Variants in NXPH1 observed in about 807,000 individuals in gnomAD.
NXPH1 encodes the protein neurexophilin-1.
A neutral mutation model predicts 23.7 loss-of-function variants in NXPH1; 5 were observed. The observed-to-expected ratio is 0.21, with a 90% CI of 0.11 to 0.44. NXPH1 has a LOEUF of 0.44. NXPH1 is among the 20% of genes least tolerant of loss of function. The probability of loss-of-function intolerance (pLI) is 0.99; values close to 1 mark genes in which losing one functional copy is unlikely to be tolerated. For synonymous variants in NXPH1, 144 were observed against 122.2 expected (o/e 1.18, Z -1.18); for missense variants, 324 against 321.6 (o/e 1.01, Z -0.06).
At chr7:8,606,566 T>C (rs1819497162) in intron 2 of NXPH1, among the ~76,000 whole-genome samples, 1 of 152,178 alleles carries the variant, frequency 6.6e-6, no homozygotes, top group Non-Finnish European at 1.5e-5. Flanking sequence ...AAGCATAGTA[T>C]AAAATTTCTG....
intron 2 of NXPH1, among the ~76,000 whole-genome samples, chr7:8,449,822 T>C (rs1816473366): frequency 6.6e-6 from 1 of 152,244 alleles, no homozygotes; most frequent in African/African-American, 2.4e-5. Flanking sequence ...TCTGCCTAAA[T>C]TGCTGTTGGC....
At chr7:8,451,837 T>C (rs951623873) in intron 2 of NXPH1, among the ~76,000 whole-genome samples, 13 of 152,256 alleles carry the variant, frequency 8.5e-5, no homozygotes, top group Non-Finnish European at 1.3e-4. Context: ...GAAAGATTGC[T>C]GCATAGGCAA....
At chr7:8,694,330 G>A (rs1821270010) in intron 2 of NXPH1, among the ~76,000 whole-genome samples, 1 of 152,314 alleles carries the variant, frequency 6.6e-6, no homozygotes, top group Non-Finnish European at 1.5e-5. Flanking sequence ...GCTTGTAAAA[G>A]CAACATGACT....
intron 2 of NXPH1, among the ~76,000 whole-genome samples, chr7:8,640,466 T>G (rs1442754693): frequency 6.6e-6 from 1 of 151,720 alleles, no homozygotes; most frequent in Non-Finnish European, 1.5e-5. Flanking sequence ...TCATTTTGCT[T>G]GCTTTCTTTG....
chr7:8,442,367 T>C lies in NXPH1; in HGVS notation c.54+6600T>C, dbSNP rs545881649. ...TTGCGGGAGCTCTGCGCGTCCCCGCTGAACCTGCCTCTGGCCGCGCCTCGC... is the reference window on the plus strand; with the variant it reads ...TTGCGGGAGCTCTGCGCGTCCCCGCCGAACCTGCCTCTGGCCGCGCCTCGC... On this transcript the variant is annotated intron_variant, in intron 2 of 2. Transcript: ENST00000405863. The surrounding 1 kb of genome is among the most constrained non-coding windows in gnomAD (Gnocchi z 4.6). Among the ~76,000 whole-genome samples the C allele has an allele frequency of 6.6e-6, 1 of 152,256 alleles. No individual in the cohort carries two copies. The highest frequency in any genetic ancestry group is 1.9e-4 in the East Asian group (1 of 5,178).
intron 2 of NXPH1, among the ~76,000 whole-genome samples, chr7:8,623,676 GTTC>G (rs1176014393): frequency 6.6e-6 from 1 of 151,892 alleles, no homozygotes; most frequent in Non-Finnish European, 1.5e-5. Context: ...GTAAGAAAAA[GTTC>G]TTATTTTTAA....
chr7:8,727,978 T>C (rs1366651718), intron 2 of NXPH1, among the ~76,000 whole-genome samples: 7 of 151,628 alleles, frequency 4.6e-5, no homozygotes, highest in African/African-American at 7.3e-5. Context: ...GAGCATGGAA[T>C]GTTCTTCCAT....
At chr7:8,587,341 G>A (rs1288946738) in intron 2 of NXPH1, among the ~76,000 whole-genome samples, 2 of 150,688 alleles carry the variant, frequency 1.3e-5, no homozygotes, top group African/African-American at 4.9e-5. Context: ...TTGCTATGTT[G>A]CCCAGGCTGG....
chr7:8,546,707 G>C (rs1007706321), intron 2 of NXPH1, among the ~76,000 whole-genome samples: 20 of 151,310 alleles, frequency 1.3e-4, no homozygotes, highest in African/African-American at 4.8e-4. Flanking sequence ...TCATCTCCCA[G>C]TGACCCCTCT....
chr7:8,625,993 A>G (rs1340798512), intron 2 of NXPH1, among the ~76,000 whole-genome samples: 2 of 152,148 alleles, frequency 1.3e-5, no homozygotes, highest in Admixed American at 6.6e-5. Flanking sequence ...TGAATCTTTT[A>G]TCTAATCTGT....
At chr7:8,478,968 G>C (rs1313950572) in intron 2 of NXPH1, among the ~76,000 whole-genome samples, 2 of 152,014 alleles carry the variant, frequency 1.3e-5, no homozygotes, top group Non-Finnish European at 2.9e-5. Flanking sequence ...GTTCCCTTGA[G>C]AACTTTCTGA....
intron 2 of NXPH1, among the ~76,000 whole-genome samples, chr7:8,636,982 A>T (rs1820226857): frequency 1.3e-5 from 2 of 152,126 alleles, no homozygotes; most frequent in Non-Finnish European, 2.9e-5. Flanking sequence ...TATGACCATA[A>T]CCTACTTTAA....
chr7:8,453,667 T>A (rs947486537), intron 2 of NXPH1, among the ~76,000 whole-genome samples: 3 of 152,178 alleles, frequency 2.0e-5, no homozygotes, highest in African/African-American at 7.2e-5. Context: ...TAACATGCTT[T>A]ACACATAGTG....
rs546748794 is a variant in NXPH1 at position 8,573,672 on chromosome 7, T to C, written c.54+137905T>C. 1.2e-4 allele frequency among the ~76,000 whole-genome samples: 18 copies of C among 152,278 alleles called. No individual in the cohort carries two copies. The South Asian group carries it at 2.1e-3, about 18-fold the overall frequency. On this transcript the variant is annotated intron_variant, in intron 2 of 2. Transcript: ENST00000405863. ...TCTTTTTGCAGGGAGTTGTGAGCCA[T>C]GGAAGGCTTCTGAGTAGGAGAATGC...
chr7:8,438,923 G>T (rs906798838), intron 2 of NXPH1, among the ~76,000 whole-genome samples: 7 of 152,142 alleles, frequency 4.6e-5, no homozygotes, highest in Non-Finnish European at 8.8e-5. Context: ...TGCCCACAGA[G>T]TTACCTTCTG....
At chr7:8,584,192 C>A (rs972396257) in intron 2 of NXPH1, among the ~76,000 whole-genome samples, 2 of 152,160 alleles carry the variant, frequency 1.3e-5, no homozygotes, top group African/African-American at 2.4e-5. Context: ...CTTGCTGAAT[C>A]TTATAGAGCT....
chr7:8,731,814 A>C (rs1013645070), intron 2 of NXPH1, among the ~76,000 whole-genome samples: 17 of 152,356 alleles, frequency 1.1e-4, no homozygotes, highest in Non-Finnish European at 1.6e-4. Flanking sequence ...GCCCTGCCCC[A>C]AGAAGTGGAG....
intron 2 of NXPH1, among the ~76,000 whole-genome samples, chr7:8,654,054 T>C (rs1047688570): frequency 6.6e-6 from 1 of 152,192 alleles, no homozygotes; most frequent in African/African-American, 2.4e-5. Context: ...ATAAATCTAT[T>C]TTCAGGGAGG....
intron 2 of NXPH1, among the ~76,000 whole-genome samples, chr7:8,687,348 A>G (rs1350938062): frequency 9.9e-5 from 15 of 152,136 alleles, no homozygotes. Flanking sequence ...AGAGAATCCA[A>G]ATTTCATCAA....
Sources: gnomAD v4.1 joint callset for allele counts (sites outside exome capture counted in the v4.1 genomes callset) on GRCh38, gnomAD v4.1.1 for gene constraint, Gnocchi (gnomAD v3.1) non-coding constraint, MANE v1.5 for transcripts, NCBI Gene and HGNC (gene_info 2026-07-23, HGNC 2026-07-21) for gene names.